The following ROCK2 variants were observed in gnomAD, a reference collection of about 807,000 sequenced individuals.
ROCK2 encodes rho-associated protein kinase 2.
Under a neutral mutation model 195.1 loss-of-function variants are expected in ROCK2, and 61 were observed. That is an observed-to-expected ratio of 0.31 (90% CI 0.25 to 0.39). ROCK2 has a LOEUF of 0.39. Among genes scored for constraint, ROCK2 ranks in the 10% least tolerant of loss-of-function variants. The probability of loss-of-function intolerance (pLI) is 1.00; values close to 1 mark genes in which losing one functional copy is unlikely to be tolerated. For synonymous variants in ROCK2, 504 were observed against 545.5 expected (o/e 0.92, Z 1.06); for missense variants, 1,109 against 1,637.4 (o/e 0.68, Z 5.57).
rs745317527 is a variant in ROCK2, at chr2:11,181,963, C to CT, written c.*1473dup. On this transcript the variant is annotated 3_prime_UTR_variant, in exon 33 of 33. Transcript: ENST00000315872. ...ATGTATTTAAATATCATACCAAACTCTGTGTATTTATATAAAGAGAGACTG... is the reference window on the plus strand; with the variant it reads ...ATGTATTTAAATATCATACCAAACTCTTGTGTATTTATATAAAGAGAGACTG... 4 of 151,200 alleles carry CT rather than the reference C, an allele frequency of 2.6e-5. No individual in the cohort carries two copies. Among genetic ancestry groups the CT allele is most frequent in the Non-Finnish European group, 4.4e-5 (3 of 67,910 alleles). The allele number at this position is 151,200 out of a possible 1,614,324, so 9.4% of individuals were successfully genotyped here. A position where few individuals can be genotyped will look rare whatever the true frequency, so the allele number is the denominator to read the frequency against.
Position 11,200,973 on chromosome 2 carries a change from T to A in ROCK2, c.2894A>T (p.Asp965Val). 1 of 1,596,578 alleles carries A rather than the reference T, an allele frequency of 6.3e-7. No individual in the cohort carries two copies. Among genetic ancestry groups the A allele is most frequent in the East Asian group, 2.2e-5 (1 of 44,760 alleles). ...TTGACTTACAGAAGCAATTGTAGCATCTTTTTCCGTAAGTTCCTGTTTGTG... is the reference window on the plus strand; with the variant it reads ...TTGACTTACAGAAGCAATTGTAGCAACTTTTTCCGTAAGTTCCTGTTTGTG... ...ARHKQELTEK[D>V]ATIASLEETN... Residue 965 changes from aspartate to valine, a missense_variant, in exon 23 of 33, where the codon GAT becomes GTT. By Grantham distance (152) the Asp-to-Val change is radical. This residue lies in a region of ROCK2 where 542 missense variants were observed against 672.0 expected (regional missense o/e 0.81). Transcript: ENST00000315872.
chr2:11,266,755 T>A (rs1052934451), intron 3 of ROCK2, among the ~76,000 whole-genome samples: 5 of 152,228 alleles, frequency 3.3e-5, no homozygotes, highest in Admixed American at 1.3e-4. Context: ...TCCTTTGGAT[T>A]CTTATCCTTA....
At chr2:11,287,517 T>C (rs563401595) in intron 2 of ROCK2, 138 bp downstream of exon 2, 9 of 360,826 alleles carry the variant, frequency 2.5e-5, no homozygotes, top group African/African-American at 1.9e-4. Flanking sequence ...TTTGAATAAA[T>C]CAAATGGTAA....
chr2:11,328,498 T>C (rs1350147325), intron 1 of ROCK2, among the ~76,000 whole-genome samples: 6 of 152,222 alleles, frequency 3.9e-5, no homozygotes, highest in Non-Finnish European at 5.9e-5. Context: ...TGAAGGCAAA[T>C]AGTCCTATAA....
intron 4 of ROCK2, among the ~76,000 whole-genome samples, chr2:11,246,104 G>T (rs1358939203): frequency 6.6e-6 from 1 of 152,098 alleles, no homozygotes; most frequent in African/African-American, 2.4e-5. Flanking sequence ...CAAATAGCTG[G>T]TAACACACCA....
At chr2:11,194,537 A>C (rs1040827600) in intron 28 of ROCK2, among the ~76,000 whole-genome samples, 193 bp from the exon 29 acceptor site, 1 of 152,070 alleles carries the variant, frequency 6.6e-6, no homozygotes, top group Non-Finnish European at 1.5e-5. Context: ...TAGATATTTT[A>C]AATAAGCAAA....
rs529688281 is a variant in ROCK2, at chr2:11,305,795, A to G, written c.142-18059T>C. Reference sequence around the variant, plus strand: ...AATAAACTATAGTTATGTAAGATATAAACACTATGGGAAATGGGGTACACA... The same window carrying G: ...AATAAACTATAGTTATGTAAGATATGAACACTATGGGAAATGGGGTACACA... On this transcript the variant is annotated intron_variant, in intron 1 of 32. Transcript: ENST00000315872. 9.2e-5 allele frequency among the ~76,000 whole-genome samples: 14 copies of G among 152,320 alleles called. No homozygotes were observed. In the South Asian group the frequency reaches 2.5e-3, roughly 27 times the overall value.
In ROCK2 at chr2:11,201,264, A is replaced by G. The variant is rs1479582919; in HGVS notation, c.2723+46T>C. 1 of 1,522,436 alleles carries G rather than the reference A, an allele frequency of 6.6e-7. No individual in the cohort carries two copies. Among genetic ancestry groups the G allele is most frequent in the Admixed American group, 1.7e-5 (1 of 58,016 alleles). The allele number at this position is 1,522,436 out of a possible 1,614,324, so 94.3% of individuals were successfully genotyped here. ...GATTACCAGGCATTGTTCTAGGAGC[A>G]AAGTATACAGCTATGAACAAAAAGA... is the stretch of plus-strand genomic sequence containing the variant. On this transcript the variant is annotated intron_variant, in intron 22 of 32. Transcript: ENST00000315872. This position sits in a 1 kb window ranked among gnomAD's most constrained non-coding sequence, Gnocchi z 4.6.
chr2:11,222,112 T>A lies in ROCK2; in HGVS notation c.1070A>T (p.Asp357Val). 1 of 1,610,400 alleles carries A rather than the reference T, an allele frequency of 6.2e-7. No homozygotes were observed. The highest frequency in any genetic ancestry group is 8.5e-7 in the Non-Finnish European group (1 of 1,177,074). The change falls in exon 8 of 33, where the codon GAT becomes GTT. Residue 357 changes from aspartate to valine, a missense_variant. Physicochemically the swap from Asp to Val is radical, Grantham distance 152. Around this residue, in one of 6 missense-constraint regions of ROCK2, gnomAD observed 253 missense variants for 455.5 expected, o/e 0.56. Transcript: ENST00000315872. Reference protein sequence around the residue: ...EIRQHPFFKNDQWHWDNIRET... With the variant: ...EIRQHPFFKNVQWHWDNIRET... ...TCTTATGTTATCCCAATGCCACTGA[T>A]CATTCTTAAAGAAAGGATGCTGTCT...
Position 11,192,755 on chromosome 2 carries a change from A to AC in ROCK2, c.3688-44_3688-43insG, listed in dbSNP as rs1558278044. The AC allele has an allele frequency of 6.4e-7, 1 of 1,562,554 alleles. No homozygotes were observed. The highest frequency in any genetic ancestry group is 2.2e-5 in the East Asian group (1 of 44,462). ...ACAATAAGTGATTTCCAAACATGCTATTTTTTTATGTAGGAACAATTCTGA... is the reference window on the plus strand; with the variant it reads ...ACAATAAGTGATTTCCAAACATGCTACTTTTTTTATGTAGGAACAATTCTGA... On this transcript the variant is annotated intron_variant, in intron 30 of 32. Transcript: ENST00000315872. This position sits in a 1 kb window ranked among gnomAD's most constrained non-coding sequence, Gnocchi z 5.0.
intron 1 of ROCK2, chr2:11,308,788 G>A (rs1667943637): frequency 6.2e-7 from 1 of 1,612,178 alleles, no homozygotes; most frequent in Non-Finnish European, 8.5e-7. Context: ...CCAGCACCAA[G>A]TGTTTTGCTT....
rs146071129 is a variant in ROCK2, at chr2:11,261,541, G to T, written c.325-11743C>A. Among the ~76,000 whole-genome samples the T allele has an allele frequency of 5.1e-3, 783 of 152,258 alleles. 2 individuals carry two copies. The highest frequency in any genetic ancestry group is 9.0e-3 in the Non-Finnish European group (615 of 68,020). On this transcript the variant is annotated intron_variant, in intron 3 of 32. Transcript: ENST00000315872. ...TAATGTTTAAAAGCATGGATTTGCC[G>T]GGCTTGGTGGCTCATGCCTGTAATC...
chr2:11,202,487 TAA>T (rs1187401918), intron 20 of ROCK2, among the ~76,000 whole-genome samples: 9 of 150,532 alleles, frequency 6.0e-5, no homozygotes, highest in African/African-American at 1.9e-4. Context: ...ATGATAATAA[TAA>T]TAATAATTAT....
chr2:11,247,123 G>A (rs374966532), intron 4 of ROCK2, among the ~76,000 whole-genome samples: 1 of 152,130 alleles, frequency 6.6e-6, no homozygotes, highest in East Asian at 1.9e-4. Flanking sequence ...TACATGTTGT[G>A]TGATTGATTT....
Position 11,215,546 on chromosome 2 carries a change from G to T in ROCK2, c.1561C>A (p.His521Asn). ...AAATTTCGTTTTTTGTCTGCTTCAT[G>T]ATCAGCTTTCCTCTGATATTCTGCA... ...KNAEYQRKAD[H>N]EADKKRNLEN... Residue 521 changes from histidine to asparagine, a missense_variant, in exon 14 of 33, where the codon CAT (histidine) becomes AAT (asparagine). By Grantham distance (68) the His-to-Asn change is moderately conservative. Around this residue, in one of 6 missense-constraint regions of ROCK2, gnomAD observed 542 missense variants for 672.0 expected, o/e 0.81. Transcript: ENST00000315872. 3 of 1,613,200 alleles carry T rather than the reference G, an allele frequency of 1.9e-6. No individual in the cohort carries two copies. Among genetic ancestry groups the T allele is most frequent in the South Asian group, 1.1e-5 (1 of 90,852 alleles).
At position 11,211,794 on chromosome 2, in the gene ROCK2, A is replaced by G. The variant is rs765515362; in HGVS notation, c.2090T>C (p.Ile697Thr). The G allele has an allele frequency of 1.9e-5, 30 of 1,612,058 alleles. No homozygotes were observed. Among genetic ancestry groups the G allele is most frequent in the African/African-American group, 6.7e-5 (5 of 74,784 alleles). ...TTCTTCTTGTTCTAGGCTCTGCTGT[A>G]TAACTTTTAGTTGGTATGTCATATC... ...EIDMTYQLKV[I>T]QQSLEQEEAE... Residue 697 changes from isoleucine (I) to threonine (T), a missense_variant, in exon 18 of 33, where the codon ATA (isoleucine) becomes ACA (threonine). Around this residue, in one of 6 missense-constraint regions of ROCK2, gnomAD observed 542 missense variants for 672.0 expected, o/e 0.81. Coordinates refer to ENST00000315872, the MANE Select transcript of ROCK2 (RefSeq NM_004850.5).
At chr2:11,243,242 A>G (rs1350960703) in intron 4 of ROCK2, among the ~76,000 whole-genome samples, 1 of 152,366 alleles carries the variant, frequency 6.6e-6, no homozygotes, top group Middle Eastern at 3.4e-3. Context: ...TGGGATCTGA[A>G]TATTAATCAG....
chr2:11,252,336 G>A (rs1460161693), intron 3 of ROCK2, among the ~76,000 whole-genome samples: 2 of 151,694 alleles, frequency 1.3e-5, no homozygotes, highest in African/African-American at 2.4e-5. Context: ...GCTTGAACCC[G>A]GGTGGCTGAG....
At chr2:11,267,877 C>T (rs908364335) in intron 3 of ROCK2, among the ~76,000 whole-genome samples, 3 of 151,768 alleles carry the variant, frequency 2.0e-5, no homozygotes, top group Non-Finnish European at 2.9e-5. Flanking sequence ...AAACTCCTGG[C>T]CTCAGGAGAT....
Sources: allele counts gnomAD v4.1 joint callset (sites outside exome capture counted in the v4.1 genomes callset), GRCh38; gene constraint gnomAD v4.1.1; regional missense constraint gnomAD v4.1.1; non-coding constraint Gnocchi (gnomAD v3.1); transcripts MANE v1.5; gene names NCBI Gene and HGNC (gene_info 2026-07-23, HGNC 2026-07-21).